The following GALNT13 variants were observed in gnomAD, a reference collection of about 807,000 sequenced individuals.
GALNT13 encodes the protein UDP-GalNAc:polypeptide N-acetylgalactosaminyltransferase 13.
Under a neutral mutation model 64.2 loss-of-function variants are expected in GALNT13, and 28 were observed. That is an observed-to-expected ratio of 0.44 (90% CI 0.32 to 0.60). The LOEUF (loss-of-function observed/expected upper bound fraction) is 0.60. Ranked by LOEUF, GALNT13 falls within the 20% of genes least tolerant of loss-of-function variation. GALNT13 has a pLI of 0.05. For synonymous variants in GALNT13, 214 were observed against 224.6 expected, an observed-to-expected ratio of 0.95 and a Z score of 0.42; for missense variants, 577 against 669.8, an observed-to-expected ratio of 0.86 and a Z score of 1.53.
intron 9 of GALNT13, among the ~76,000 whole-genome samples, chr2:154,318,691 C>T (rs1445134338): frequency 6.6e-6 from 1 of 150,490 alleles, no homozygotes; most frequent in African/African-American, 2.4e-5. Context: ...CACCATTCCA[C>T]TCCAGCCTGG....
At chr2:154,224,604 A>G (rs926318860) in intron 4 of GALNT13, among the ~76,000 whole-genome samples, 1 of 152,116 alleles carries the variant, frequency 6.6e-6, no homozygotes. Flanking sequence ...GAAATAGAAA[A>G]TATACAGATA....
the GALNT13 span, among the ~76,000 whole-genome samples, chr2:153,561,623 G>A: frequency 2.7e-4 from 39 of 145,986 alleles, no homozygotes; most frequent in African/African-American, 5.5e-4. Flanking sequence ...TTTGGATTCT[G>A]GATTAGAGAT....
chr2:154,350,023 T>C (rs1286327625), intron 9 of GALNT13, among the ~76,000 whole-genome samples: 1 of 152,190 alleles, frequency 6.6e-6, no homozygotes. Context: ...GTCTATGGGA[T>C]TCAAGGACAA....
chr2:153,296,670 T>C, the GALNT13 span, among the ~76,000 whole-genome samples: 1 of 152,162 alleles, frequency 6.6e-6, no homozygotes. Flanking sequence ...ATAGAAACTG[T>C]GTTTCTAGTA....
chr2:154,452,335 T>C lies in GALNT13; in HGVS notation c.*1784T>C, dbSNP rs1028166000. 3.3e-5 allele frequency: 5 copies of C among 152,214 alleles called. No homozygotes were observed. In the Middle Eastern group the frequency reaches 0.01, roughly 311 times the overall value. 9.4% of individuals were successfully genotyped at this position (152,214 alleles called of 1,614,324 possible). A position where few individuals can be genotyped will look rare whatever the true frequency, so the allele number is the denominator to read the frequency against. On this transcript the variant is annotated 3_prime_UTR_variant, in exon 13 of 13. Transcript: ENST00000392825. ...GCAGTGAACCATTGCCTTAAATTAA[T>C]AGCAGCCTCTCAAGTCCATTGAGGC... is the stretch of plus-strand genomic sequence containing the variant.
chr2:153,637,375 T>C, the GALNT13 span, among the ~76,000 whole-genome samples: 15 of 152,190 alleles, frequency 9.9e-5, no homozygotes, highest in African/African-American at 3.4e-4. Flanking sequence ...GCTGTTCTTA[T>C]GCAGTGGAAA....
the GALNT13 span, among the ~76,000 whole-genome samples, chr2:153,304,436 A>C: frequency 4.6e-5 from 7 of 152,166 alleles, no homozygotes; most frequent in Admixed American, 4.6e-4. Flanking sequence ...AAATAAGAGA[A>C]GGAAGAAGTT....
the GALNT13 span, among the ~76,000 whole-genome samples, chr2:153,222,345 T>TGGGGGGGGGGG: frequency 4.3e-5 from 1 of 23,200 alleles, no homozygotes; most frequent in Non-Finnish European, 8.7e-5. Context: ...GGGGGGGGGT[T>TGGGGGGGGGGG]GGGCTTATAG....
chr2:153,454,845 C>T, the GALNT13 span, among the ~76,000 whole-genome samples: 45 of 152,296 alleles, frequency 3.0e-4, no homozygotes, highest in Admixed American at 2.0e-3. Flanking sequence ...ATTGTAACAA[C>T]AGAGGATTAG....
chr2:153,977,361 C>A (rs1694145594), intron 3 of GALNT13, among the ~76,000 whole-genome samples: 1 of 152,106 alleles, frequency 6.6e-6, no homozygotes, highest in Non-Finnish European at 1.5e-5. Flanking sequence ...ACTCACAGTT[C>A]CTCAAGGCTG....
chr2:153,641,402 T>C, the GALNT13 span, among the ~76,000 whole-genome samples: 1 of 152,194 alleles, frequency 6.6e-6, no homozygotes, highest in African/African-American at 2.4e-5. Flanking sequence ...ATATTTTTAT[T>C]GGTTTATAAA....
intron 4 of GALNT13, among the ~76,000 whole-genome samples, chr2:154,152,095 C>T (rs968184481): frequency 2.0e-5 from 3 of 152,074 alleles, no homozygotes; most frequent in Admixed American, 6.6e-5. Context: ...TGTTCAGTGC[C>T]TCCTTCAGGA....
the GALNT13 span, among the ~76,000 whole-genome samples, chr2:153,147,829 GT>G: frequency 6.6e-6 from 1 of 151,786 alleles, no homozygotes; most frequent in Non-Finnish European, 1.5e-5. Context: ...TCTGCAAAAT[GT>G]TTTGGAGTTT....
the GALNT13 span, among the ~76,000 whole-genome samples, chr2:153,199,010 T>C: frequency 6.6e-6 from 1 of 152,202 alleles, no homozygotes; most frequent in Non-Finnish European, 1.5e-5. Context: ...TATGGCTTTA[T>C]GTGAGCCTTC....
the GALNT13 span, among the ~76,000 whole-genome samples, chr2:153,746,316 TC>T: frequency 6.6e-6 from 1 of 152,200 alleles, no homozygotes; most frequent in Non-Finnish European, 1.5e-5. Context: ...ATTTGTGGTA[TC>T]ATGGATTAGT....
the GALNT13 span, among the ~76,000 whole-genome samples, chr2:153,786,210 T>C: frequency 6.6e-6 from 1 of 151,964 alleles, no homozygotes; most frequent in Admixed American, 6.6e-5. Context: ...AAACCCAGAG[T>C]CAACCAACAA....
intron 3 of GALNT13, among the ~76,000 whole-genome samples, chr2:153,963,936 T>G (rs1266560140): frequency 3.9e-5 from 6 of 152,142 alleles, no homozygotes; most frequent in African/African-American, 1.2e-4. Flanking sequence ...TTTTTATGCT[T>G]CTTTTATTGT....
At chr2:153,827,612 C>A in the GALNT13 span, among the ~76,000 whole-genome samples, 1 of 126,468 alleles carries the variant, frequency 7.9e-6, no homozygotes, top group African/African-American at 3.0e-5. Context: ...GGCAACAGAG[C>A]GAGACTCCGT....
intron 4 of GALNT13, among the ~76,000 whole-genome samples, chr2:154,196,424 A>C (rs1386943055): frequency 6.6e-6 from 1 of 152,188 alleles, no homozygotes; most frequent in Non-Finnish European, 1.5e-5. Flanking sequence ...GTGTTCATAG[A>C]AGTTCTTTTA....
Sources: allele counts gnomAD v4.1 joint callset (sites outside exome capture counted in the v4.1 genomes callset), GRCh38; gene constraint gnomAD v4.1.1; transcripts MANE v1.5; gene names NCBI Gene and HGNC (gene_info 2026-07-23, HGNC 2026-07-21).